DUS2: variants seen among roughly 807,000 people sequenced by gnomAD.
DUS2 encodes the protein tRNA-dihydrouridine(20) synthase [NAD(P)+]-like.
Under a neutral mutation model 71.3 loss-of-function variants are expected in DUS2, and 52 were observed. The observed-to-expected ratio is 0.73, with a 90% CI of 0.58 to 0.92. DUS2 has a LOEUF of 0.92. DUS2 is among the 40% of genes least tolerant of loss of function. DUS2 has a pLI of 0.00. For synonymous variants in DUS2, 204 were observed against 227.8 expected, an observed-to-expected ratio of 0.90 and a Z score of 0.94; for missense variants, 558 against 622.6, an observed-to-expected ratio of 0.90 and a Z score of 1.10.
intron 1 of DUS2, among the ~76,000 whole-genome samples, chr16:68,024,988 C>T (rs1311143214): frequency 6.6e-6 from 1 of 151,962 alleles, no homozygotes; most frequent in Non-Finnish European, 1.5e-5. Context: ...TGCGCTACCA[C>T]TCCCAGCTAA....
chr16:68,078,484 A>G lies in DUS2; in HGVS notation c.1210A>G (p.Thr404Ala), dbSNP rs2034189419. 6.2e-7 allele frequency: 1 copy of G among 1,613,968 alleles called. No homozygotes were observed. The highest frequency in any genetic ancestry group is 2.2e-5 in the East Asian group (1 of 44,878). Residue 404 changes from threonine to alanine, a missense_variant, in exon 16 of 17, where the codon ACC (threonine) becomes GCC (alanine). Physicochemically the swap from Thr to Ala is moderately conservative, Grantham distance 58. Coordinates refer to ENST00000565263, the MANE Select transcript of DUS2 (RefSeq NM_017803.5). ...PLDRLFSSIVTVAEQKYQSTL... is the reference protein window; with the variant it reads ...PLDRLFSSIVAVAEQKYQSTL... ...AGATCGCCTGTTCTCCTCTATTGTC[A>G]CCGTTGCTGAACAAAAGTATCAGTC...
chr16:68,059,483 G>A (rs2033909010), intron 7 of DUS2, among the ~76,000 whole-genome samples: 2 of 152,184 alleles, frequency 1.3e-5, no homozygotes, highest in African/African-American at 4.8e-5. Context: ...GATGGAGCCA[G>A]GGGGAGTGCT....
At chr16:68,035,884 T>TTATATATATATATATA (rs71145987) in intron 2 of DUS2, among the ~76,000 whole-genome samples, 9 of 113,318 alleles carry the variant, frequency 7.9e-5, no homozygotes, top group African/African-American at 2.2e-4. Flanking sequence ...CCCGCTAATT[T>TTATATATATATATATA]TATATATATA....
intron 10 of DUS2, among the ~76,000 whole-genome samples, chr16:68,068,288 A>G (rs1261264354): frequency 6.6e-6 from 1 of 152,186 alleles, no homozygotes; most frequent in Non-Finnish European, 1.5e-5. Flanking sequence ...CCCTTCATAC[A>G]AAGCAGAGCA....
chr16:68,035,025 A>G (rs1319169962), intron 2 of DUS2, among the ~76,000 whole-genome samples: 1 of 151,854 alleles, frequency 6.6e-6, no homozygotes, highest in Non-Finnish European at 1.5e-5. Flanking sequence ...AAAACATAAT[A>G]TTAGCAGTAG....
At position 68,047,080 on chromosome 16, in the gene DUS2, G is replaced by A. The variant is rs1199857480; in HGVS notation, c.127-2425G>A. Among the ~76,000 whole-genome samples, 5 of 81,252 alleles carry A rather than the reference G, an allele frequency of 6.2e-5. No individual in the cohort carries two copies. In the East Asian group the frequency reaches 1.7e-3, roughly 27 times the overall value. 53.3% of individuals were successfully genotyped at this position (81,252 alleles called of 152,430 possible). A position where few individuals can be genotyped will look rare whatever the true frequency, so the allele number is the denominator to read the frequency against. On this transcript the variant is annotated intron_variant, in intron 3 of 16. Transcript: ENST00000565263. ...TTTTTTTTTTTTTTTTTTTTGAGAT[G>A]GAGTCTTACTCTGTTGCCAGGCTGG... is the stretch of plus-strand genomic sequence containing the variant.
At chr16:68,052,833 C>T (rs933679751) in intron 4 of DUS2, among the ~76,000 whole-genome samples, 5 of 151,270 alleles carry the variant, frequency 3.3e-5, no homozygotes, top group East Asian at 1.9e-4. Flanking sequence ...AGTAGAGATG[C>T]GGTTTTGCCA....
chr16:68,038,729 C>CAA lies in DUS2; in HGVS notation c.126+594_126+595dup, dbSNP rs576577769. On this transcript the variant is annotated intron_variant, in intron 3 of 16. Transcript: ENST00000565263. Reference sequence around the variant, plus strand: ...TGGGCAACAGAGCAAGACTCCATCTCAAAAAAAAAAAAAAAGATAAAAATA... The same window carrying CAA: ...TGGGCAACAGAGCAAGACTCCATCTCAAAAAAAAAAAAAAAAAGATAAAAATA... Among the ~76,000 whole-genome samples, 450 of 103,690 alleles carry CAA rather than the reference C, an allele frequency of 4.3e-3. 6 individuals carry two copies. The highest frequency in any genetic ancestry group is 0.014 in the African/African-American group (407 of 28,802). 68.0% of individuals were successfully genotyped at this position (103,690 alleles called of 152,430 possible).
At chr16:68,075,540 C>A in intron 14 of DUS2, 36 bp downstream of exon 14, 1 of 1,587,060 alleles carries the variant, frequency 6.3e-7, no homozygotes, top group Admixed American at 1.7e-5. Flanking sequence ...TGGGCTAGGG[C>A]CAGCACCCTT....
At chr16:68,033,438 C>G (rs2033470651) in intron 2 of DUS2, among the ~76,000 whole-genome samples, 1 of 151,674 alleles carries the variant, frequency 6.6e-6, no homozygotes, top group Admixed American at 6.6e-5. Flanking sequence ...TCCTTTAGAC[C>G]TTGGATCAGA....
intron 7 of DUS2, among the ~76,000 whole-genome samples, chr16:68,060,755 G>A (rs1471064966): frequency 6.6e-6 from 1 of 152,136 alleles, no homozygotes; most frequent in Non-Finnish European, 1.5e-5. Context: ...TGCAGAGGAA[G>A]GAGAATCACT....
At chr16:68,059,258 C>A (rs1366837428) in intron 7 of DUS2, among the ~76,000 whole-genome samples, 1 of 151,978 alleles carries the variant, frequency 6.6e-6, no homozygotes, top group Non-Finnish European at 1.5e-5. Context: ...ATTTCCCATT[C>A]CTTAGGCAGG....
chr16:68,037,076 C>G (rs2033541017), intron 2 of DUS2, among the ~76,000 whole-genome samples: 1 of 151,428 alleles, frequency 6.6e-6, no homozygotes, highest in African/African-American at 2.4e-5. Flanking sequence ...TACTCTCTGG[C>G]TAGAATGAAA....
In DUS2 at chr16:68,075,335, A is replaced by T. The variant is rs2034141637; in HGVS notation, c.933-20A>T. 6.3e-7 allele frequency: 1 copy of T among 1,586,964 alleles called. No homozygotes were observed. The highest frequency in any genetic ancestry group is 1.8e-5 in the Admixed American group (1 of 56,352). On this transcript the variant is annotated intron_variant, in intron 13 of 16. Coordinates refer to ENST00000565263, the MANE Select transcript of DUS2 (RefSeq NM_017803.5). ...TGGCTCCGCTAAAGTGTTTGCTCTGATCTGCTTCTTCCTCCCTAGTGAGGC... is the reference window on the plus strand; with the variant it reads ...TGGCTCCGCTAAAGTGTTTGCTCTGTTCTGCTTCTTCCTCCCTAGTGAGGC...
intron 7 of DUS2, 120 bp downstream of exon 7, chr16:68,056,544 C>T: frequency 1.3e-6 from 1 of 747,482 alleles, no homozygotes; most frequent in Non-Finnish European, 2.2e-6. Context: ...GGAAAATGCT[C>T]AAAAAGATAT....
rs1192801005 is a variant in DUS2, at chr16:68,074,156, G to A, written c.932+1G>A. On this transcript the variant is annotated splice_donor_variant, in intron 13 of 16. Coordinates refer to ENST00000565263, the MANE Select transcript of DUS2 (RefSeq NM_017803.5). LOFTEE classifies it high-confidence loss of function. The stretch of plus-strand genomic sequence containing the variant: ...CTGCCCAGTCTTCCCGGGAAATTTG[G>A]TAAGAGGCACAATAAGATGTCCATC... 3.7e-6 allele frequency: 6 copies of A among 1,613,960 alleles called. No homozygotes were observed.
At chr16:68,062,719 A>G (rs1416654888) in intron 8 of DUS2, among the ~76,000 whole-genome samples, 1 of 103,326 alleles carries the variant, frequency 9.7e-6, no homozygotes, top group East Asian at 2.5e-4. Flanking sequence ...ACTCCGTCTC[A>G]AAAAAAAAAA....
intron 3 of DUS2, among the ~76,000 whole-genome samples, chr16:68,041,687 C>CACCA (rs2151415608): frequency 6.6e-6 from 1 of 151,966 alleles, no homozygotes; most frequent in East Asian, 1.9e-4. Flanking sequence ...TGGTGCACAC[C>CACCA]TGTAATCCCA....
In DUS2 at chr16:68,070,117, ATCTT is replaced by A. The variant is rs1199043166; in HGVS notation, c.555-13_555-10del. On this transcript the variant is annotated splice_polypyrimidine_tract_variant and intron_variant, in intron 10 of 16. Transcript: ENST00000565263. ...CTTTTGGTGCTTAGCCCTCAGCCCC[ATCTT>A]TCTATCTCCAAGGAAGCGGGAGGAG... is the stretch of plus-strand genomic sequence containing the variant. 1.2e-6 allele frequency: 2 copies of A among 1,613,218 alleles called. No individual in the cohort carries two copies. The highest frequency in any genetic ancestry group is 2.7e-5 in the African/African-American group (2 of 74,880).
Sources: allele counts gnomAD v4.1 joint callset (sites outside exome capture counted in the v4.1 genomes callset), GRCh38; gene constraint gnomAD v4.1.1; transcripts MANE v1.5; gene names NCBI Gene and HGNC (gene_info 2026-07-23, HGNC 2026-07-21).